The following NOA1 variants were observed in gnomAD, a reference collection of about 807,000 sequenced individuals.
The protein encoded by NOA1 is nitric oxide associated 1.
NOA1 carries 35 observed loss-of-function variants against 58.4 expected under a neutral mutation model. The observed-to-expected ratio is 0.60, with a 90% CI of 0.46 to 0.79. The LOEUF (loss-of-function observed/expected upper bound fraction) is 0.79. Ranked by LOEUF, NOA1 falls within the 30% of genes least tolerant of loss-of-function variation. The pLI, the probability that NOA1 is intolerant of heterozygous loss-of-function variation, is 0.00. For synonymous variants in NOA1, 397 were observed against 373.4 expected (o/e 1.06, Z -0.73); for missense variants, 895 against 894.6 (o/e 1.00, Z -0.01).
chr4:56,970,455 T>C (rs113869024), intron 3 of NOA1, among the ~76,000 whole-genome samples: 2 of 151,114 alleles, frequency 1.3e-5, no homozygotes, highest in South Asian at 4.2e-4. Context: ...AGGGGAAACC[T>C]TGTCTCTCTT....
chr4:56,968,785 T>C (rs1721762218), intron 3 of NOA1, among the ~76,000 whole-genome samples: 1 of 152,242 alleles, frequency 6.6e-6, no homozygotes, highest in Non-Finnish European at 1.5e-5. Context: ...GTCAGCAGCA[T>C]TCCCTAAATG....
At chr4:56,975,069 AT>A (rs1240211716) in intron 1 of NOA1, among the ~76,000 whole-genome samples, 1 of 150,922 alleles carries the variant, frequency 6.6e-6, no homozygotes, top group Non-Finnish European at 1.5e-5. Flanking sequence ...TCCAGGCTGG[AT>A]TGGAGTGCAG....
intron 4 of NOA1, among the ~76,000 whole-genome samples, chr4:56,967,384 AAAAAAAAC>A (rs1489613547): frequency 1.3e-4 from 19 of 150,624 alleles, no homozygotes; most frequent in Middle Eastern, 3.4e-3. Flanking sequence ...TGTTTCAAAA[AAAAAAAAC>A]AAAAAAACAA....
In NOA1 at chr4:56,976,577, A is replaced by G. The variant is rs964783540; in HGVS notation, c.1009T>C (p.Tyr337His). ...LISALQRSWR[Y>H]RGDVYLVGAT... ...CCCACTAAGTAGACGTCCCCACGGT[A>G]GCGCCAGGAGCGCTGAAGGGCAGAG... is the stretch of plus-strand genomic sequence containing the variant. The change falls in exon 1 of 7, where the codon TAC (tyrosine) becomes CAC (histidine). Residue 337 changes from tyrosine (Y) to histidine (H), a missense_variant. Tyr to His is a moderately conservative substitution (Grantham distance 83, BLOSUM62 2). Transcript: ENST00000264230. 1.2e-6 allele frequency: 2 copies of G among 1,614,128 alleles called. No homozygotes were observed. Among genetic ancestry groups the G allele is most frequent in the African/African-American group, 2.7e-5 (2 of 74,952 alleles).
Position 56,964,504 on chromosome 4 carries a change from C to A in NOA1, c.1787G>T (p.Arg596Leu), listed in dbSNP as rs779243279. ...LLQIPMGGKE[R>L]MAGFPPLVAE... Reference sequence around the variant, plus strand: ...AACAAGAGGAGGAAATCCTGCCATTCGTTCTTTTCCACCCATTGGAATCTT... The same window carrying A: ...AACAAGAGGAGGAAATCCTGCCATTAGTTCTTTTCCACCCATTGGAATCTT... The change falls in exon 6 of 7, where the codon CGA (arginine) becomes CTA (leucine). Residue 596 changes from arginine to leucine, a missense_variant. Arg to Leu is a moderately radical substitution (Grantham distance 102). Around this residue, in one of 3 missense-constraint regions of NOA1, gnomAD observed 212 missense variants for 221.3 expected, o/e 0.96. Transcript: ENST00000264230. 2 of 1,613,986 alleles carry A rather than the reference C, an allele frequency of 1.2e-6. No individual in the cohort carries two copies. The highest frequency in any genetic ancestry group is 1.1e-5 in the South Asian group (1 of 91,062).
intron 3 of NOA1, among the ~76,000 whole-genome samples, chr4:56,970,902 T>G (rs1361814235): frequency 6.6e-6 from 1 of 152,204 alleles, no homozygotes; most frequent in Non-Finnish European, 1.5e-5. Flanking sequence ...TCTAAAAATT[T>G]GGGGTTCTCA....
intron 3 of NOA1, among the ~76,000 whole-genome samples, chr4:56,971,892 T>TC (rs1231100848): frequency 9.6e-6 from 1 of 104,408 alleles, no homozygotes; most frequent in East Asian, 3.2e-4. Context: ...ATGCTATTCT[T>TC]TTTTTTTTTT....
intron 3 of NOA1, among the ~76,000 whole-genome samples, chr4:56,969,497 G>A (rs969007913): frequency 2.3e-4 from 35 of 152,262 alleles, no homozygotes; most frequent in African/African-American, 6.7e-4. Context: ...ACTTGAATCC[G>A]GGAGGCGGAG....
chr4:56,974,089 A>T, intron 1 of NOA1, 67 bp from the exon 2 acceptor site: 4 of 997,776 alleles, frequency 4.0e-6, no homozygotes, highest in African/African-American at 2.0e-5. Context: ...AACATTTTTG[A>T]GGATCTACAC....
chr4:56,973,853 C>A lies in NOA1; in HGVS notation c.1309+5G>T. 2 of 1,613,542 alleles carry A rather than the reference C, an allele frequency of 1.2e-6. No individual in the cohort carries two copies. Among genetic ancestry groups the A allele is most frequent in the Non-Finnish European group, 1.7e-6 (2 of 1,179,686 alleles). ...AACGAGGGTTTTCCCATAGAGGATGCTTACCTACGACATAACCATGCTTTT... is the reference window on the plus strand; with the variant it reads ...AACGAGGGTTTTCCCATAGAGGATGATTACCTACGACATAACCATGCTTTT... On this transcript the variant is annotated splice_donor_5th_base_variant and intron_variant, in intron 2 of 6. Transcript: ENST00000264230.
intron 5 of NOA1, among the ~76,000 whole-genome samples, chr4:56,965,364 C>T (rs1050295760): frequency 1.3e-5 from 2 of 151,992 alleles, no homozygotes; most frequent in Non-Finnish European, 2.9e-5. Context: ...GCACTAAGAA[C>T]ACAAAGATAG....
chr4:56,964,046 C>A (rs997632491), intron 6 of NOA1, among the ~76,000 whole-genome samples: 1 of 151,328 alleles, frequency 6.6e-6, no homozygotes, highest in African/African-American at 2.4e-5. Context: ...AAAAAATTGT[C>A]GGTAAGGCTG....
intron 4 of NOA1, among the ~76,000 whole-genome samples, chr4:56,967,503 G>A: frequency 6.6e-6 from 1 of 152,038 alleles, no homozygotes; most frequent in East Asian, 1.9e-4. Flanking sequence ...AACAAAGTAT[G>A]AGCAAACACA....
intron 4 of NOA1, among the ~76,000 whole-genome samples, chr4:56,967,743 T>C (rs964850278): frequency 2.0e-5 from 3 of 152,154 alleles, no homozygotes; most frequent in African/African-American, 7.2e-5. Context: ...TTAACGCCTA[T>C]AACCCTGTAC....
chr4:56,973,411 A>G (rs1721845092), intron 2 of NOA1, 58 bp from the exon 3 acceptor site: 10 of 1,358,572 alleles, frequency 7.4e-6, no homozygotes, highest in Non-Finnish European at 1.1e-5. Context: ...AACTCCAGAC[A>G]TAATTTTTAT....
intron 3 of NOA1, among the ~76,000 whole-genome samples, chr4:56,971,234 A>G (rs1578540030): frequency 6.9e-6 from 1 of 144,064 alleles, no homozygotes; most frequent in East Asian, 2.0e-4. Context: ...AATCGCTTGA[A>G]CCCAGGCGGC....
rs1352163677 is a variant in NOA1 at position 56,976,655 on chromosome 4, T to TTCGG, written c.930_931insCCGA (p.Arg311ProfsTer47). The TTCGG allele has an allele frequency of 1.2e-6, 2 of 1,614,026 alleles. No individual in the cohort carries two copies. Among genetic ancestry groups the TTCGG allele is most frequent in the African/African-American group, 2.7e-5 (2 of 74,944 alleles). The stretch of plus-strand genomic sequence containing the variant: ...TTGGCGCTGATCAGCCGCACGTCCC[T>TTCGG]GACCACTGTGCGGGACCAGTTCGGC... On this transcript the variant is annotated frameshift_variant, in exon 1 of 7. Coordinates refer to ENST00000264230, the MANE Select transcript of NOA1 (RefSeq NM_032313.4). LOFTEE classifies it high-confidence loss of function.
chr4:56,963,909 T>TA (rs1458176498), intron 6 of NOA1, among the ~76,000 whole-genome samples: 1 of 151,966 alleles, frequency 6.6e-6, no homozygotes, highest in Non-Finnish European at 1.5e-5. Flanking sequence ...ACCTTAGTTT[T>TA]AAAAAAGCAT....
Position 56,966,667 on chromosome 4 carries a change from T to G in NOA1, c.1717A>C (p.Arg573=). The G allele has an allele frequency of 4.3e-6, 7 of 1,613,988 alleles. No individual in the cohort carries two copies. Among genetic ancestry groups the G allele is most frequent in the Non-Finnish European group, 4.2e-6 (5 of 1,179,856 alleles). Residue 573 remains arginine (R), a synonymous_variant, in exon 5 of 7, where the codon AGG becomes CGG. Coordinates refer to ENST00000264230, the MANE Select transcript of NOA1 (RefSeq NM_032313.4). The part of the protein sequence containing the change: ...ILPVHITSLD[R]ADALYQKHAG... ...TGCTTCTGATACAGAGCGTCTGCCC[T>G]GTCCAAGGAGGTGATATGCACAGGG...
Sources: allele counts gnomAD v4.1 joint callset (sites outside exome capture counted in the v4.1 genomes callset), GRCh38; gene constraint gnomAD v4.1.1; regional missense constraint gnomAD v4.1.1; transcripts MANE v1.5; gene names NCBI Gene and HGNC (gene_info 2026-07-23, HGNC 2026-07-21).